Variants in SSH2 observed in about 807,000 individuals in gnomAD.
The protein encoded by SSH2 is protein phosphatase Slingshot homolog 2.
A neutral mutation model predicts 135.2 loss-of-function variants in SSH2; 37 were observed. The ratio of observed to expected loss-of-function variants is 0.27; its 90% CI spans 0.21 to 0.36. The LOEUF is 0.36. Among genes scored for constraint, SSH2 ranks in the 10% least tolerant of loss-of-function variants. The probability of loss-of-function intolerance (pLI) is 1.00; values close to 1 mark genes in which losing one functional copy is unlikely to be tolerated. For missense variants in SSH2, 1,408 were observed against 1,765.3 expected (o/e 0.80, Z 3.63); for synonymous variants, 628 against 646.2 (o/e 0.97, Z 0.43).
chr17:29,751,449 T>TC (rs2040938722), intron 3 of SSH2, among the ~76,000 whole-genome samples: 1 of 150,884 alleles, frequency 6.6e-6, no homozygotes, highest in African/African-American at 2.4e-5. Context: ...AGAAAGAGAG[T>TC]CCACTCTACA....
chr17:29,749,940 T>C (rs1249468597), intron 3 of SSH2, among the ~76,000 whole-genome samples: 3 of 151,844 alleles, frequency 2.0e-5, no homozygotes, highest in Non-Finnish European at 4.4e-5. Flanking sequence ...TTGGCCAGGC[T>C]TGTCTCAAAC....
At chr17:29,718,897 C>T (rs546010446) in intron 3 of SSH2, among the ~76,000 whole-genome samples, 3 of 152,254 alleles carry the variant, frequency 2.0e-5, no homozygotes, top group East Asian at 1.9e-4. Flanking sequence ...GTCCTTATGA[C>T]GTGGCAGCTG....
At chr17:29,746,700 T>C (rs1471353185) in intron 3 of SSH2, among the ~76,000 whole-genome samples, 2 of 151,836 alleles carry the variant, frequency 1.3e-5, no homozygotes, top group South Asian at 2.1e-4. Flanking sequence ...CCTGAAGAAA[T>C]GGCATCTCCC....
intron 15 of SSH2, among the ~76,000 whole-genome samples, chr17:29,634,913 G>T (rs1461059117): frequency 1.3e-5 from 2 of 151,376 alleles, no homozygotes; most frequent in Non-Finnish European, 2.9e-5. Context: ...TTATTATTAT[G>T]ATATTGTTTG....
At chr17:29,731,169 A>C (rs111570430) in intron 3 of SSH2, among the ~76,000 whole-genome samples, 1 of 152,188 alleles carries the variant, frequency 6.6e-6, no homozygotes, top group Non-Finnish European at 1.5e-5. Context: ...ATTTAAAGGC[A>C]GATAGGAAAA....
chr17:29,847,492 G>A (rs2043152235), intron 2 of SSH2, among the ~76,000 whole-genome samples: 4 of 152,136 alleles, frequency 2.6e-5, no homozygotes, highest in Admixed American at 2.6e-4. Flanking sequence ...TTTTGAGGGA[G>A]GGTGGTGCTC....
intron 14 of SSH2, among the ~76,000 whole-genome samples, chr17:29,638,547 C>G (rs1375243475): frequency 3.3e-5 from 5 of 150,074 alleles, no homozygotes; most frequent in Middle Eastern, 3.4e-3. Context: ...CACACACACA[C>G]ACACACACAC....
chr17:29,795,121 C>T (rs989611329), intron 2 of SSH2, among the ~76,000 whole-genome samples: 2 of 152,220 alleles, frequency 1.3e-5, no homozygotes, highest in African/African-American at 4.8e-5. Context: ...TTACATCATT[C>T]TGCCTCCTTT....
rs764671277 is a variant in SSH2, at chr17:29,631,128, T to C, written c.4066A>G (p.Thr1356Ala). ...PTKSFVEQLT[T>A]TECIVQSKPV... ...TTGCTCTGCACAATACACTCTGTTG[T>C]TGTGAGTTGTTCTACAAAAGACTTG... Residue 1356 changes from threonine (T) to alanine (A), a missense_variant, in exon 16 of 16, where the codon ACA (threonine) becomes GCA (alanine). Around this residue, in one of 3 missense-constraint regions of SSH2, gnomAD observed 1,080 missense variants for 1,144.5 expected, o/e 0.94. Transcript: ENST00000540801. The C allele has an allele frequency of 1.3e-5, 21 of 1,614,090 alleles. No individual in the cohort carries two copies. The highest frequency in any genetic ancestry group is 2.2e-5 in the South Asian group (2 of 91,094).
chr17:29,662,307 C>CA (rs923426889), intron 11 of SSH2, among the ~76,000 whole-genome samples: 7 of 152,144 alleles, frequency 4.6e-5, no homozygotes, highest in African/African-American at 1.4e-4. Context: ...GACTACAGCA[C>CA]ATTTATAGCA....
chr17:29,673,998 T>C, intron 8 of SSH2: 1 of 436,266 alleles, frequency 2.3e-6, no homozygotes, highest in South Asian at 1.6e-5. Context: ...CACACATCCA[T>C]GTTTACAAAC....
At chr17:29,738,441 C>T (rs890620281) in intron 3 of SSH2, among the ~76,000 whole-genome samples, 1 of 152,094 alleles carries the variant, frequency 6.6e-6, no homozygotes. Context: ...GGGTATATAC[C>T]CAGTAATGGG....
chr17:29,774,530 G>A (rs893392187), intron 3 of SSH2, among the ~76,000 whole-genome samples: 2 of 152,344 alleles, frequency 1.3e-5, no homozygotes, highest in East Asian at 3.9e-4. Context: ...CTCCCAAAGT[G>A]TTGGGATTAC....
chr17:29,824,619 T>C (rs1245599321), intron 2 of SSH2, among the ~76,000 whole-genome samples: 1 of 152,158 alleles, frequency 6.6e-6, no homozygotes, highest in Non-Finnish European at 1.5e-5. Flanking sequence ...CCTTGAGGTA[T>C]TCGGCTACCT....
chr17:29,838,432 C>A (rs934442604), intron 2 of SSH2, among the ~76,000 whole-genome samples: 1 of 152,216 alleles, frequency 6.6e-6, no homozygotes, highest in African/African-American at 2.4e-5. Context: ...TGAAGTCCCA[C>A]CTGCAAGCCA....
chr17:29,867,898 T>A (rs536325931), intron 1 of SSH2, among the ~76,000 whole-genome samples: 2 of 152,148 alleles, frequency 1.3e-5, no homozygotes, highest in South Asian at 4.1e-4. Flanking sequence ...TACCTAAAAT[T>A]AAGAACTACC....
intron 3 of SSH2, among the ~76,000 whole-genome samples, chr17:29,715,783 G>A (rs1019710004): frequency 6.6e-6 from 1 of 152,174 alleles, no homozygotes; most frequent in Non-Finnish European, 1.5e-5. Context: ...AAGGAGATAA[G>A]AAACCATGTC....
At chr17:29,876,591 G>A (rs2066034729) in intron 1 of SSH2, among the ~76,000 whole-genome samples, 4 of 151,160 alleles carry the variant, frequency 2.6e-5, no homozygotes, top group South Asian at 2.1e-4. Context: ...GGTTGCCTGC[G>A]AGTTAAACCT....
At chr17:29,791,149 G>T (rs1246853549) in intron 3 of SSH2, among the ~76,000 whole-genome samples, 2 of 151,642 alleles carry the variant, frequency 1.3e-5, no homozygotes, top group African/African-American at 2.4e-5. Flanking sequence ...GCAGTGGCTT[G>T]ATCTCGGCTC....
Sources: gnomAD v4.1 joint callset for allele counts (sites outside exome capture counted in the v4.1 genomes callset) on GRCh38, gnomAD v4.1.1 for gene constraint, gnomAD v4.1.1 regional missense constraint, MANE v1.5 for transcripts, NCBI Gene and HGNC (gene_info 2026-07-23, HGNC 2026-07-21) for gene names.